The following NLRP3 variants were observed in gnomAD, a reference collection of about 807,000 sequenced individuals.
The protein encoded by NLRP3 is NLR family pyrin domain containing 3.
A neutral mutation model predicts 91.3 loss-of-function variants in NLRP3; 48 were observed. The ratio of observed to expected loss-of-function variants is 0.53; its 90% CI spans 0.42 to 0.67. The LOEUF (loss-of-function observed/expected upper bound fraction) is 0.67. NLRP3 is among the 30% of genes least tolerant of loss of function. The probability of loss-of-function intolerance (pLI) is 0.00; values close to 1 mark genes in which losing one functional copy is unlikely to be tolerated. For missense variants in NLRP3, 982 were observed against 1,276.9 expected (o/e 0.77, Z 3.52); for synonymous variants, 561 against 507.9 (o/e 1.10, Z -1.41).
At chr1:247,434,319 G>T (rs751380236) in intron 6 of NLRP3, 46 bp downstream of exon 6, 1 of 1,609,888 alleles carries the variant, frequency 6.2e-7, no homozygotes, top group Non-Finnish European at 8.5e-7. Context: ...AGCGAGGCGT[G>T]CTGCGCACTC....
rs200083590 is a variant in NLRP3 at position 247,429,561 on chromosome 1, G to C, written c.2151-24G>C. 41 of 1,613,764 alleles carry C rather than the reference G, an allele frequency of 2.5e-5. No individual in the cohort carries two copies. In the East Asian group the frequency reaches 2.9e-4, roughly 11 times the overall value. On this transcript the variant is annotated intron_variant, in intron 4 of 9. Transcript: ENST00000336119. Reference sequence around the variant, plus strand: ...ATTATTCGAGGCTGATTTCTTTTCTGTCTGTCTTCCTTCTAATTCCTAGAT... The same window carrying C: ...ATTATTCGAGGCTGATTTCTTTTCTCTCTGTCTTCCTTCTAATTCCTAGAT...
At chr1:247,420,908 C>T (rs79298416) in intron 2 of NLRP3, among the ~76,000 whole-genome samples, 103 of 152,310 alleles carry the variant, frequency 6.8e-4, no homozygotes, top group African/African-American at 2.4e-3. Context: ...AGTGCCTAGA[C>T]CTGCCTCCAA....
intron 2 of NLRP3, among the ~76,000 whole-genome samples, chr1:247,419,875 G>T (rs1365572293): frequency 6.6e-6 from 1 of 152,136 alleles, no homozygotes; most frequent in Non-Finnish European, 1.5e-5. Context: ...GCTGTTATGA[G>T]TGTTGGTGCA....
intron 5 of NLRP3, among the ~76,000 whole-genome samples, chr1:247,431,696 C>G (rs746693047): frequency 1.5e-4 from 23 of 152,204 alleles, no homozygotes; most frequent in Non-Finnish European, 2.5e-4. Flanking sequence ...TTTCCCTCAC[C>G]CGACCATTCT....
rs764059988 is a variant in NLRP3, at chr1:247,436,026, G to T, written c.2549G>T (p.Ser850Ile). The T allele has an allele frequency of 6.2e-7, 1 of 1,614,152 alleles. No homozygotes were observed. Among genetic ancestry groups the T allele is most frequent in the Admixed American group, 1.7e-5 (1 of 60,026 alleles). Residue 850 changes from serine to isoleucine, a missense_variant, in exon 7 of 10, where the codon AGC becomes ATC. This residue lies in a region of NLRP3 where 373 missense variants were observed against 431.5 expected (regional missense o/e 0.86). Coordinates refer to ENST00000336119, the MANE Select transcript of NLRP3 (RefSeq NM_001243133.2). The stretch of plus-strand genomic sequence containing the variant: ...TGTCAGGATCTTGCATCAGTATTGA[G>T]CACCAGCCATTCCCTGACCAGACTC... ...ACCQDLASVLSTSHSLTRLYV... is the reference protein window; with the variant it reads ...ACCQDLASVLITSHSLTRLYV...
intron 5 of NLRP3, among the ~76,000 whole-genome samples, chr1:247,430,942 T>C (rs1663271753): frequency 6.6e-6 from 1 of 151,502 alleles, no homozygotes; most frequent in Admixed American, 6.6e-5. Flanking sequence ...AATTTTTGTA[T>C]TTTTTTTGTA....
At chr1:247,431,659 G>T (rs1216577772) in intron 5 of NLRP3, among the ~76,000 whole-genome samples, 3 of 152,120 alleles carry the variant, frequency 2.0e-5, no homozygotes, top group Non-Finnish European at 2.9e-5. Context: ...ATGAATGTTG[G>T]CTCTTTGGTC....
chr1:247,441,706 T>A (rs1181648217), intron 7 of NLRP3, among the ~76,000 whole-genome samples: 1 of 152,254 alleles, frequency 6.6e-6, no homozygotes, highest in Non-Finnish European at 1.5e-5. Context: ...AAGGATTGGT[T>A]GGTGGGACAT....
At chr1:247,444,211 A>T in intron 8 of NLRP3, 69 bp downstream of exon 8, 1 of 1,454,152 alleles carries the variant, frequency 6.9e-7, no homozygotes, top group Non-Finnish European at 9.7e-7. Context: ...GTTTAGGCAG[A>T]GTGGCCACAA....
At chr1:247,440,321 T>C (rs1664121999) in intron 7 of NLRP3, among the ~76,000 whole-genome samples, 1 of 152,164 alleles carries the variant, frequency 6.6e-6, no homozygotes, top group African/African-American at 2.4e-5. Context: ...TCCTGCCTCA[T>C]TGAATAGTGG....
intron 4 of NLRP3, among the ~76,000 whole-genome samples, chr1:247,426,480 G>T (rs1662895872): frequency 6.6e-6 from 1 of 152,188 alleles, no homozygotes; most frequent in Non-Finnish European, 1.5e-5. Context: ...AGTTTAGCCT[G>T]GATAGAAGAC....
At chr1:247,419,198 A>G (rs1305258980) in intron 2 of NLRP3, 121 bp downstream of exon 2, 2 of 618,028 alleles carry the variant, frequency 3.2e-6, no homozygotes, top group East Asian at 5.6e-5. Flanking sequence ...CTTGTTGCCC[A>G]GGCTGGAGTG....
intron 2 of NLRP3, among the ~76,000 whole-genome samples, chr1:247,421,380 G>A (rs1662446907): frequency 6.6e-6 from 1 of 152,124 alleles, no homozygotes; most frequent in African/African-American, 2.4e-5. Flanking sequence ...CAGCTACTCA[G>A]GAGGCTAAGG....
rs770328700 is a variant in NLRP3, at chr1:247,444,825, A to G, written c.3005+4A>G. 1.2e-6 allele frequency: 2 copies of G among 1,613,488 alleles called. No homozygotes were observed. The highest frequency in any genetic ancestry group is 2.2e-5 in the East Asian group (1 of 44,892). Reference sequence around the variant, plus strand: ...GCTGCCTCCTGCAGAACCTGGGGTGAGTGTGCTCTGCAGAGATGCCCGTGG... The same window carrying G: ...GCTGCCTCCTGCAGAACCTGGGGTGGGTGTGCTCTGCAGAGATGCCCGTGG... On this transcript the variant is annotated splice_donor_region_variant and intron_variant, in intron 9 of 9. Transcript: ENST00000336119.
In NLRP3 at chr1:247,424,679, C is replaced by T; in HGVS notation, c.1230C>T (p.Pro410=). 5 of 1,614,242 alleles carry T rather than the reference C, an allele frequency of 3.1e-6. No homozygotes were observed. Among genetic ancestry groups the T allele is most frequent in the Non-Finnish European group, 4.2e-6 (5 of 1,180,050 alleles). Residue 410 remains proline (P), a synonymous_variant, in exon 4 of 10, where the codon CCC becomes CCT. Transcript: ENST00000336119. This position sits in a 1 kb window ranked among gnomAD's most constrained non-coding sequence, Gnocchi z 8.1. ...NEVLFTMCFI[P]LVCWIVCTGL... is the part of the protein sequence containing the mutation. ...TCCTCTTCACCATGTGCTTCATCCC[C>T]CTGGTCTGCTGGATCGTGTGCACTG...
intron 2 of NLRP3, among the ~76,000 whole-genome samples, chr1:247,420,058 C>T (rs1662343847): frequency 6.6e-6 from 1 of 152,224 alleles, no homozygotes; most frequent in African/African-American, 2.4e-5. Flanking sequence ...TTCTCCATAT[C>T]CTAAGAACAC....
At position 247,418,652 on chromosome 1, in the gene NLRP3, AT is replaced by A. The variant is rs1428851366; in HGVS notation, c.-142del. The A allele has an allele frequency of 2.1e-5, 21 of 1,012,300 alleles. No homozygotes were observed. In the East Asian group the frequency reaches 3.6e-4, roughly 17 times the overall value. 62.7% of individuals were successfully genotyped at this position (1,012,300 alleles called of 1,614,324 possible). A position where few individuals can be genotyped will look rare whatever the true frequency, so the allele number is the denominator to read the frequency against. ...TTTTGACTTGTTACAGTCATGTGAC[AT>A]TTTTTTCTTTCTGTTTGCTGAGTTT... is the stretch of plus-strand genomic sequence containing the variant. On this transcript the variant is annotated 5_prime_UTR_variant, in exon 2 of 10. Coordinates refer to ENST00000336119, the MANE Select transcript of NLRP3 (RefSeq NM_001243133.2).
In NLRP3 at chr1:247,422,378, C is replaced by CAAA. The variant is rs3078448; in HGVS notation, c.278-838_278-836dup. The stretch of plus-strand genomic sequence containing the variant: ...TGGGCAATAGAGTGAGGCCCTGTCT[C>CAAA]AAAAAAAAAAAAAAAATCATTTATG... On this transcript the variant is annotated intron_variant, in intron 2 of 9. Coordinates refer to ENST00000336119, the MANE Select transcript of NLRP3 (RefSeq NM_001243133.2). Among the ~76,000 whole-genome samples, 436 of 141,840 alleles carry CAAA rather than the reference C, an allele frequency of 3.1e-3. 4 individuals are homozygous for CAAA. Among genetic ancestry groups the CAAA allele is most frequent in the African/African-American group, 8.6e-3 (327 of 38,242 alleles). 93.1% of individuals were successfully genotyped at this position (141,840 alleles called of 152,430 possible).
intron 4 of NLRP3, among the ~76,000 whole-genome samples, chr1:247,426,660 C>A (rs186126389): frequency 5.9e-5 from 9 of 152,342 alleles, no homozygotes; most frequent in South Asian, 4.1e-4. Context: ...GTGGTGAAGA[C>A]CCAGGTCCTG....
Sources: gnomAD v4.1 joint callset for allele counts (sites outside exome capture counted in the v4.1 genomes callset) on GRCh38, gnomAD v4.1.1 for gene constraint, gnomAD v4.1.1 regional missense constraint, Gnocchi (gnomAD v3.1) non-coding constraint, MANE v1.5 for transcripts, NCBI Gene and HGNC (gene_info 2026-07-23, HGNC 2026-07-21) for gene names.